EXOC6B: variants seen among roughly 807,000 people sequenced by gnomAD.
EXOC6B encodes the protein SEC15 homolog B.
In EXOC6B, 54 loss-of-function variants were observed where a neutral mutation model predicts 113.5. The ratio of observed to expected loss-of-function variants is 0.48; its 90% confidence interval spans 0.38 to 0.60. The LOEUF (loss-of-function observed/expected upper bound fraction) is 0.60. Among genes scored for constraint, EXOC6B ranks in the 20% least tolerant of loss-of-function variants. The pLI is 0.00. For missense variants in EXOC6B, 797 were observed against 977.5 expected (o/e 0.82, Z 2.46); for synonymous variants, 357 against 339.0 (o/e 1.05, Z -0.58).
intron 20 of EXOC6B, among the ~76,000 whole-genome samples, chr2:72,197,538 G>T (rs1449500878): frequency 6.6e-6 from 1 of 152,008 alleles, no homozygotes. Context: ...CATTTCAGTA[G>T]CAATTTATTT....
chr2:72,810,298 T>C (rs1007065418), intron 1 of EXOC6B, among the ~76,000 whole-genome samples: 2 of 151,668 alleles, frequency 1.3e-5, no homozygotes, highest in African/African-American at 4.8e-5. Context: ...GATGATTCTT[T>C]GAGCCCAGCC....
intron 1 of EXOC6B, among the ~76,000 whole-genome samples, chr2:72,756,447 C>T (rs1227852373): frequency 6.6e-6 from 1 of 152,006 alleles, no homozygotes; most frequent in Non-Finnish European, 1.5e-5. Context: ...GGCTCAAGAA[C>T]ATTAGCAGAA....
intron 18 of EXOC6B, among the ~76,000 whole-genome samples, chr2:72,452,146 T>G (rs1696958397): frequency 6.6e-6 from 1 of 152,112 alleles, no homozygotes; most frequent in East Asian, 1.9e-4. Context: ...TACAGTGCAC[T>G]CCCAACATCA....
chr2:72,704,112 A>G (rs1384593272), intron 6 of EXOC6B, among the ~76,000 whole-genome samples: 2 of 150,208 alleles, frequency 1.3e-5, no homozygotes, highest in Non-Finnish European at 3.0e-5. Context: ...AAGAACAGAA[A>G]TTATAACAAA....
intron 6 of EXOC6B, among the ~76,000 whole-genome samples, chr2:72,711,301 G>C (rs1368668530): frequency 6.6e-6 from 1 of 151,890 alleles, no homozygotes; most frequent in Non-Finnish European, 1.5e-5. Context: ...AAAATGGAGG[G>C]GTTTTCTACT....
At chr2:72,369,581 T>C (rs1690873371) in intron 19 of EXOC6B, among the ~76,000 whole-genome samples, 1 of 152,180 alleles carries the variant, frequency 6.6e-6, no homozygotes, top group African/African-American at 2.4e-5. Context: ...AGAACAAAGT[T>C]GGAGGCATCA....
At chr2:72,647,308 C>T (rs1397845937) in intron 6 of EXOC6B, among the ~76,000 whole-genome samples, 3 of 152,262 alleles carry the variant, frequency 2.0e-5, no homozygotes, top group East Asian at 1.9e-4. Flanking sequence ...ACATTCAATG[C>T]TCATAGATAG....
rs144860965 is a variant in EXOC6B, at chr2:72,210,286, T to C, written c.2197-26099A>G. Among the ~76,000 whole-genome samples the C allele has an allele frequency of 5.5e-4, 84 of 152,308 alleles. 3 individuals carry two copies. The East Asian group carries it at 0.011, about 20-fold the overall frequency. ...CTTCCCTCAAGGAATTTACAATTAA[T>C]TAAGGAGCCAGATCCACATATTTAA... On this transcript the variant is annotated intron_variant, in intron 20 of 21. Coordinates refer to ENST00000272427, the MANE Select transcript of EXOC6B (RefSeq NM_015189.3).
intron 19 of EXOC6B, among the ~76,000 whole-genome samples, chr2:72,377,868 T>G (rs774742386): frequency 5.9e-5 from 9 of 152,052 alleles, no homozygotes; most frequent in Non-Finnish European, 1.3e-4. Context: ...TAAAAAAGTA[T>G]ATGAAGTAAT....
chr2:72,497,147 A>T (rs962533493), intron 13 of EXOC6B, among the ~76,000 whole-genome samples: 2 of 151,344 alleles, frequency 1.3e-5, no homozygotes, highest in African/African-American at 4.9e-5. Context: ...CTAATTTTTA[A>T]TTTTTTTGTA....
At chr2:72,340,185 A>T (rs1688941957) in intron 19 of EXOC6B, among the ~76,000 whole-genome samples, 1 of 152,130 alleles carries the variant, frequency 6.6e-6, no homozygotes, top group South Asian at 2.1e-4. Context: ...CAGAATACTA[A>T]ATTAGAATAA....
rs1298932653 is a variant in EXOC6B at position 72,212,019 on chromosome 2, G to A, written c.2197-27832C>T. ...GTGTGTGGAATCCCTTAAGTGTGCC[G>A]AAGTGGAAAAAAAAAAAGAGGCTCC... On this transcript the variant is annotated intron_variant, in intron 20 of 21. Coordinates refer to ENST00000272427, the MANE Select transcript of EXOC6B (RefSeq NM_015189.3). Among the ~76,000 whole-genome samples, 4 of 151,406 alleles carry A rather than the reference G, an allele frequency of 2.6e-5. No homozygotes were observed. In the South Asian group the frequency reaches 6.3e-4, roughly 24 times the overall value.
At chr2:72,440,314 CTA>C (rs1696126884) in intron 18 of EXOC6B, among the ~76,000 whole-genome samples, 1 of 152,130 alleles carries the variant, frequency 6.6e-6, no homozygotes, top group African/African-American at 2.4e-5. Flanking sequence ...GCCAGGTCAC[CTA>C]TAGAGGGAAG....
chr2:72,395,162 A>G (rs1692642390), intron 18 of EXOC6B, among the ~76,000 whole-genome samples: 2 of 152,178 alleles, frequency 1.3e-5, no homozygotes, highest in African/African-American at 4.8e-5. Flanking sequence ...AATATTAACT[A>G]AAGCTTCCAG....
chr2:72,252,879 A>T (rs1683115753), intron 20 of EXOC6B, among the ~76,000 whole-genome samples: 1 of 152,208 alleles, frequency 6.6e-6, no homozygotes, highest in South Asian at 2.1e-4. Context: ...ACAGTTGAAA[A>T]ACAAATCACA....
intron 18 of EXOC6B, among the ~76,000 whole-genome samples, chr2:72,393,284 T>C (rs1427886929): frequency 6.6e-6 from 1 of 151,872 alleles, no homozygotes. Flanking sequence ...TTAGTAGTGA[T>C]GGGGTTTCAC....
intron 18 of EXOC6B, among the ~76,000 whole-genome samples, chr2:72,418,285 T>C (rs567934554): frequency 6.6e-6 from 1 of 152,304 alleles, no homozygotes; most frequent in South Asian, 2.1e-4. Context: ...TCCATAACAC[T>C]TTCCATTTTG....
chr2:72,283,804 C>T (rs1685265637), intron 20 of EXOC6B, among the ~76,000 whole-genome samples: 1 of 152,022 alleles, frequency 6.6e-6, no homozygotes, highest in African/African-American at 2.4e-5. Flanking sequence ...GGGAAATAAC[C>T]CAATTATAGC....
At chr2:72,570,160 GAC>G (rs1336462821) in intron 7 of EXOC6B, among the ~76,000 whole-genome samples, 3 of 151,986 alleles carry the variant, frequency 2.0e-5, no homozygotes, top group Non-Finnish European at 4.4e-5. Flanking sequence ...AAAAGAGGAA[GAC>G]ACACATTATA....
Sources: allele counts gnomAD v4.1 joint callset (sites outside exome capture counted in the v4.1 genomes callset), GRCh38; gene constraint gnomAD v4.1.1; transcripts MANE v1.5; gene names NCBI Gene and HGNC (gene_info 2026-07-23, HGNC 2026-07-21).